The following HTR2C variants were observed in gnomAD, a reference collection of about 807,000 sequenced individuals.
HTR2C encodes 5-hydroxytryptamine (serotonin) receptor 2C, G protein-coupled.
HTR2C carries 5 observed loss-of-function variants against 21.0 expected under a neutral mutation model. That is an observed-to-expected ratio of 0.24 (90% CI 0.12 to 0.50). The LOEUF is 0.50. HTR2C is among the 20% of genes least tolerant of loss of function. HTR2C has a pLI of 0.98. For synonymous variants in HTR2C, 150 were observed against 145.3 expected (o/e 1.03, Z -0.23); for missense variants, 271 against 371.2 (o/e 0.73, Z 2.22).
rs1569495917 is a variant in HTR2C, at chrX:114,806,588, CAT to C, written c.350-41408_350-41407del. Among the ~76,000 whole-genome samples the C allele has an allele frequency of 4.2e-3, 387 of 92,767 alleles. 13 individuals carry two copies. The highest frequency in any genetic ancestry group is 0.015 in the African/African-American group (368 of 25,332). 80.6% of individuals were successfully genotyped at this position (92,767 alleles called of 115,157 possible). A position where few individuals can be genotyped will look rare whatever the true frequency, so the allele number is the denominator to read the frequency against. On this transcript the variant is annotated intron_variant, in intron 4 of 5. Coordinates refer to ENST00000276198, the MANE Select transcript of HTR2C (RefSeq NM_000868.4). ...TATACATCATATATATCATATATATCATATATATCATATATACACCATATATA... is the reference window on the plus strand; with the variant it reads ...TATACATCATATATATCATATATATCATATATCATATATACACCATATATA...
chrX:114,723,565 A>G (rs1933314152), intron 2 of HTR2C, among the ~76,000 whole-genome samples: 2 of 107,774 alleles, frequency 1.9e-5, no homozygotes, highest in Non-Finnish European at 1.9e-5. Context: ...TAGCTTTTGA[A>G]TGTGTTTGCT....
intron 4 of HTR2C, among the ~76,000 whole-genome samples, chrX:114,817,674 G>T (rs2070598144): frequency 9.0e-6 from 1 of 111,239 alleles, no homozygotes; most frequent in Non-Finnish European, 1.9e-5. Context: ...CAGCCTGGCA[G>T]CTACTGGATG....
chrX:114,748,619 T>A (rs1164043547), intron 4 of HTR2C, among the ~76,000 whole-genome samples: 1 of 111,922 alleles, frequency 8.9e-6, no homozygotes, highest in African/African-American at 3.2e-5. Context: ...TCAATTAATA[T>A]TTTTACTAAA....
chrX:114,696,444 T>A (rs1556415884), intron 2 of HTR2C, among the ~76,000 whole-genome samples: 1 of 110,582 alleles, frequency 9.0e-6, no homozygotes, highest in Admixed American at 9.7e-5. Context: ...CAAAGGGAAG[T>A]CTTATATGTG....
rs782280036 is a variant in HTR2C at position 114,597,218 on chromosome X, CAA to C, written c.-147+12580_-147+12581del. 4.0e-3 allele frequency among the ~76,000 whole-genome samples: 178 copies of C among 44,163 alleles called. 1 individual carries two copies. The highest frequency in any genetic ancestry group is 0.024 in the Middle Eastern group (1 of 41). 38.4% of individuals were successfully genotyped at this position (44,163 alleles called of 115,157 possible). A position where few individuals can be genotyped will look rare whatever the true frequency, so the allele number is the denominator to read the frequency against. On this transcript the variant is annotated intron_variant, in intron 1 of 5. Transcript: ENST00000276198. ...GGGTGACAGAGCAAGATTTCATCTCCAAAAAAAAAAAAAAAAAAAAAAGCAAA... is the reference window on the plus strand; with the variant it reads ...GGGTGACAGAGCAAGATTTCATCTCCAAAAAAAAAAAAAAAAAAAAGCAAA...
At position 114,731,484 on chromosome X, in the gene HTR2C, A is replaced by G; in HGVS notation, c.226A>G (p.Met76Val). The stretch of plus-strand genomic sequence containing the variant: ...AATAGGTGGCAACATCCTTGTGATC[A>G]TGGCAGTAAGCATGGAAAAGAAACT... Reference protein sequence around the residue: ...MTIGGNILVIMAVSMEKKLHN... With the variant: ...MTIGGNILVIVAVSMEKKLHN... Residue 76 changes from methionine (M) to valine (V), a missense_variant, in exon 4 of 6, where the codon ATG (methionine) becomes GTG (valine). Around this residue, in one of 5 missense-constraint regions of HTR2C, gnomAD observed 57 missense variants for 64.0 expected, o/e 0.89. Transcript: ENST00000276198. The G allele has an allele frequency of 8.3e-7, 1 of 1,207,901 alleles. No individual in the cohort carries two copies. The highest frequency in any genetic ancestry group is 1.1e-6 in the Non-Finnish European group (1 of 892,056).
At chrX:114,882,652 G>T (rs371799561) in intron 5 of HTR2C, among the ~76,000 whole-genome samples, 1 of 110,740 alleles carries the variant, frequency 9.0e-6, no homozygotes, top group East Asian at 2.8e-4. Flanking sequence ...GCTTTCAGAT[G>T]CTAAACCAAC....
chrX:114,775,109 TG>T, intron 4 of HTR2C: 1 of 513,499 alleles, frequency 1.9e-6, no homozygotes, highest in Non-Finnish European at 3.6e-6. Flanking sequence ...TTCTCATCTT[TG>T]ACTGTTGCTT....
chrX:114,669,858 A>G (rs781895386), intron 2 of HTR2C, among the ~76,000 whole-genome samples: 1 of 112,710 alleles, frequency 8.9e-6, no homozygotes, highest in South Asian at 3.6e-4. Context: ...ACTATTTACA[A>G]TAAGTTTTGT....
In HTR2C at chrX:114,704,929, C is replaced by A. The variant is rs1175400252; in HGVS notation, c.-79-21929C>A. Among the ~76,000 whole-genome samples, 231 of 106,915 alleles carry A rather than the reference C, an allele frequency of 2.2e-3. 2 individuals are homozygous for A. The highest frequency in any genetic ancestry group is 3.9e-3 in the Non-Finnish European group (200 of 51,619). The allele number at this position is 106,915 out of a possible 115,157, so 92.8% of individuals were successfully genotyped here. A position where few individuals can be genotyped will look rare whatever the true frequency, so the allele number is the denominator to read the frequency against. ...ACACCAATAACAGACAAACGGAGAG[C>A]CAAATCATGAGTGAACTCCCATTCA... On this transcript the variant is annotated intron_variant, in intron 2 of 5. Coordinates refer to ENST00000276198, the MANE Select transcript of HTR2C (RefSeq NM_000868.4).
intron 4 of HTR2C, among the ~76,000 whole-genome samples, chrX:114,844,164 C>T (rs1255420908): frequency 1.8e-5 from 2 of 111,549 alleles, no homozygotes; most frequent in Non-Finnish European, 1.9e-5. Context: ...ATACATAAAA[C>T]AATAATTATA....
intron 4 of HTR2C, among the ~76,000 whole-genome samples, chrX:114,839,225 C>A (rs1447317966): frequency 8.9e-6 from 1 of 111,888 alleles, no homozygotes; most frequent in African/African-American, 3.2e-5. Context: ...ACACAAAGAA[C>A]AACTACCTTA....
intron 5 of HTR2C, among the ~76,000 whole-genome samples, chrX:114,861,170 A>G (rs1340047733): frequency 9.0e-6 from 1 of 110,903 alleles, no homozygotes; most frequent in Non-Finnish European, 1.9e-5. Context: ...ACTACTTTGT[A>G]CTCTGACCTG....
At chrX:114,873,018 G>A (rs782262727) in intron 5 of HTR2C, among the ~76,000 whole-genome samples, 2 of 111,669 alleles carry the variant, frequency 1.8e-5, no homozygotes, top group African/African-American at 3.2e-5. Flanking sequence ...TTGTTTTTAC[G>A]AAGAAGAGTA....
chrX:114,829,865 T>G (rs1556459976), intron 4 of HTR2C, among the ~76,000 whole-genome samples: 1 of 111,668 alleles, frequency 9.0e-6, no homozygotes, highest in African/African-American at 3.2e-5. Context: ...ACCACATTGT[T>G]TGATTATAAT....
At chrX:114,646,610 C>A (rs1431933033) in intron 2 of HTR2C, among the ~76,000 whole-genome samples, 3 of 112,027 alleles carry the variant, frequency 2.7e-5, no homozygotes, top group Non-Finnish European at 5.6e-5. Context: ...AATGTCTATG[C>A]AAATATTTTC....
At chrX:114,593,529 T>C (rs1556391697) in intron 1 of HTR2C, among the ~76,000 whole-genome samples, 3 of 112,324 alleles carry the variant, frequency 2.7e-5, no homozygotes, top group African/African-American at 9.7e-5. Context: ...TAAATTCACA[T>C]GGAACAAAGA....
At chrX:114,775,429 A>G (rs1209576348) in intron 4 of HTR2C, 1 of 519,859 alleles carries the variant, frequency 1.9e-6, no homozygotes, top group Non-Finnish European at 3.6e-6. Flanking sequence ...GTCATAGCAC[A>G]CTCACCTTCA....
chrX:114,732,319 A>C (rs1484646277), intron 4 of HTR2C, among the ~76,000 whole-genome samples: 1 of 112,029 alleles, frequency 8.9e-6, no homozygotes, highest in Non-Finnish European at 1.9e-5. Flanking sequence ...ATGAACAATC[A>C]AATAGTTTAT....
Sources: allele counts gnomAD v4.1 joint callset (sites outside exome capture counted in the v4.1 genomes callset), GRCh38; gene constraint gnomAD v4.1.1; regional missense constraint gnomAD v4.1.1; transcripts MANE v1.5; gene names NCBI Gene and HGNC (gene_info 2026-07-23, HGNC 2026-07-21).